DTNA: variants seen among roughly 807,000 people sequenced by gnomAD.
DTNA encodes the protein dystrophin-related protein 3.
DTNA carries 43 observed loss-of-function variants against 100.7 expected under a neutral mutation model. That is an observed-to-expected ratio of 0.43 (90% CI 0.33 to 0.55). The LOEUF (loss-of-function observed/expected upper bound fraction) is 0.55. DTNA is among the 20% of genes least tolerant of loss of function. DTNA has a pLI of 0.04. For missense variants in DTNA, 798 were observed against 953.9 expected, an observed-to-expected ratio of 0.84 and a Z score of 2.15; for synonymous variants, 349 against 347.9, an observed-to-expected ratio of 1.00 and a Z score of -0.04.
intron 1 of DTNA, among the ~76,000 whole-genome samples, chr18:34,589,447 A>C (rs2146868410): frequency 6.6e-6 from 1 of 152,148 alleles, no homozygotes; most frequent in Middle Eastern, 3.4e-3. Context: ...TCTCTACTAA[A>C]AAATACAAAA....
In DTNA at chr18:34,890,589, C is replaced by A. The variant is rs2096960128; in HGVS notation, c.*2855C>A. On this transcript the variant is annotated 3_prime_UTR_variant, in exon 23 of 23. Coordinates refer to ENST00000444659, the MANE Select transcript of DTNA (RefSeq NM_001386795.1). ...ATAAGCACTGGTCTAACACAGCCAA[C>A]CCTCCTCCACAGCGCCATATTAATG... 1.7e-6 allele frequency: 2 copies of A among 1,177,844 alleles called. No homozygotes were observed. Among genetic ancestry groups the A allele is most frequent in the Non-Finnish European group, 2.3e-6 (2 of 859,248 alleles). 73.0% of individuals were successfully genotyped at this position (1,177,844 alleles called of 1,614,324 possible).
intron 6 of DTNA, among the ~76,000 whole-genome samples, chr18:34,813,342 G>T (rs886805382): frequency 6.6e-6 from 1 of 151,500 alleles, no homozygotes; most frequent in African/African-American, 2.4e-5. Context: ...GGTGGTACAT[G>T]CTTGTAGTCC....
chr18:34,851,979 A>G (rs1157607499), intron 15 of DTNA, 51 bp downstream of exon 15: 2 of 1,577,338 alleles, frequency 1.3e-6, no homozygotes, highest in Non-Finnish European at 1.7e-6. Context: ...CGCATTCCTT[A>G]ATAAACTATG....
chr18:34,790,568 T>TATATATATATA (rs1491509976), intron 3 of DTNA, among the ~76,000 whole-genome samples: 1 of 29,266 alleles, frequency 3.4e-5, no homozygotes, highest in African/African-American at 1.0e-4. Context: ...TATATATATA[T>TATATATATATA]TTTTTTTTTT....
intron 1 of DTNA, among the ~76,000 whole-genome samples, chr18:34,524,766 AAAAAG>A: frequency 6.6e-6 from 1 of 152,074 alleles, no homozygotes; most frequent in African/African-American, 2.4e-5. Flanking sequence ...TTTTTTTAAA[AAAAAG>A]GTTTATGTGT....
At chr18:34,811,880 A>G in intron 5 of DTNA, 79 bp from the exon 6 acceptor site, 1 of 1,549,674 alleles carries the variant, frequency 6.5e-7, no homozygotes, top group South Asian at 1.2e-5. Flanking sequence ...CTTTTTTGTC[A>G]TTTGTAGCAG....
At chr18:34,633,130 A>G (rs2058272253) in intron 1 of DTNA, among the ~76,000 whole-genome samples, 1 of 152,204 alleles carries the variant, frequency 6.6e-6, no homozygotes, top group Non-Finnish European at 1.5e-5. Context: ...AATGGTAACT[A>G]TTCTGATATC....
chr18:34,526,773 T>TA (rs1424892422), intron 1 of DTNA, among the ~76,000 whole-genome samples: 3 of 152,162 alleles, frequency 2.0e-5, no homozygotes, highest in African/African-American at 7.2e-5. Context: ...TGCTCATTCT[T>TA]AAAATTTTGA....
intron 16 of DTNA, among the ~76,000 whole-genome samples, chr18:34,859,397 T>C (rs906642719): frequency 4.9e-4 from 75 of 152,312 alleles, no homozygotes; most frequent in African/African-American, 1.8e-3. Context: ...GTTACAGAGT[T>C]TTCTGGGGTT....
intron 1 of DTNA, among the ~76,000 whole-genome samples, chr18:34,664,842 A>T (rs1240776628): frequency 6.6e-6 from 1 of 152,132 alleles, no homozygotes; most frequent in Non-Finnish European, 1.5e-5. Flanking sequence ...CATAAACAAA[A>T]GCTCTTGGAG....
At chr18:34,520,527 G>T (rs928367919) in intron 1 of DTNA, among the ~76,000 whole-genome samples, 2 of 152,056 alleles carry the variant, frequency 1.3e-5, no homozygotes, top group Admixed American at 1.3e-4. Flanking sequence ...GGTGGCACAT[G>T]CCTGTAATTC....
chr18:34,668,601 G>A (rs911336166), intron 1 of DTNA, among the ~76,000 whole-genome samples: 2 of 151,950 alleles, frequency 1.3e-5, no homozygotes, highest in African/African-American at 4.8e-5. Flanking sequence ...CTTTATATGT[G>A]TTCCAGAGAT....
At chr18:34,746,193 G>A (rs1024858203) in intron 1 of DTNA, among the ~76,000 whole-genome samples, 28 of 148,260 alleles carry the variant, frequency 1.9e-4, no homozygotes, top group Non-Finnish European at 3.4e-4. Flanking sequence ...TTGGGGGGGG[G>A]ACTTTTTAAT....
intron 1 of DTNA, among the ~76,000 whole-genome samples, chr18:34,667,246 A>G (rs2076066066): frequency 6.6e-6 from 1 of 152,206 alleles, no homozygotes; most frequent in Non-Finnish European, 1.5e-5. Context: ...ATGTATAAGA[A>G]TGCTTGTGAT....
At chr18:34,852,754 G>T (rs776602304) in intron 15 of DTNA, among the ~76,000 whole-genome samples, 14 of 152,054 alleles carry the variant, frequency 9.2e-5, no homozygotes, top group Non-Finnish European at 1.3e-4. Context: ...TCTTCCTCCA[G>T]GTCTCTGTGT....
chr18:34,713,144 T>C (rs1457289538), intron 1 of DTNA, among the ~76,000 whole-genome samples: 1 of 152,112 alleles, frequency 6.6e-6, no homozygotes, highest in Non-Finnish European at 1.5e-5. Flanking sequence ...AAAGTAATGG[T>C]ACCATGATCA....
At chr18:34,506,963 TTCTCAGAGGATAAA>T (rs1444125758) in intron 1 of DTNA, among the ~76,000 whole-genome samples, 1 of 152,158 alleles carries the variant, frequency 6.6e-6, no homozygotes, top group Non-Finnish European at 1.5e-5. Context: ...CTCCCGTTGA[TTCTCAGAGGATAAA>T]CCTCAGAGGG....
At chr18:34,736,788 G>C (rs1300401549) in intron 1 of DTNA, among the ~76,000 whole-genome samples, 1 of 152,110 alleles carries the variant, frequency 6.6e-6, no homozygotes, top group East Asian at 1.9e-4. Flanking sequence ...TTTGAGCATA[G>C]GTCCTGTTTA....
At chr18:34,885,478 G>GC (rs1292788348) in intron 22 of DTNA, among the ~76,000 whole-genome samples, 1 of 152,150 alleles carries the variant, frequency 6.6e-6, no homozygotes, top group Non-Finnish European at 1.5e-5. Flanking sequence ...GACTGTAGTG[G>GC]TCTGAAGCTT....
Sources: gnomAD v4.1 joint callset for allele counts (sites outside exome capture counted in the v4.1 genomes callset) on GRCh38, gnomAD v4.1.1 for gene constraint, MANE v1.5 for transcripts, NCBI Gene and HGNC (gene_info 2026-07-23, HGNC 2026-07-21) for gene names.